The following FYN variants were observed in gnomAD, a reference collection of about 807,000 sequenced individuals.
The protein encoded by FYN is tyrosine-protein kinase Fyn.
FYN carries 10 observed loss-of-function variants against 70.2 expected under a neutral mutation model. The ratio of observed to expected loss-of-function variants is 0.14; its 90% CI spans 0.09 to 0.24. The LOEUF (loss-of-function observed/expected upper bound fraction) is 0.24. Ranked by LOEUF, FYN falls within the 10% of genes least tolerant of loss-of-function variation. FYN has a pLI of 1.00. For missense variants in FYN, 319 were observed against 673.1 expected, an observed-to-expected ratio of 0.47 and a Z score of 5.82; for synonymous variants, 236 against 248.6, an observed-to-expected ratio of 0.95 and a Z score of 0.48.
intron 3 of FYN, among the ~76,000 whole-genome samples, chr6:111,773,858 A>T (rs991775943): frequency 6.6e-6 from 1 of 152,208 alleles, no homozygotes; most frequent in South Asian, 2.1e-4. Flanking sequence ...AAACTGATGT[A>T]GCCACTGTCT....
At chr6:111,867,140 C>T (rs985474677) in intron 1 of FYN, among the ~76,000 whole-genome samples, 4 of 152,128 alleles carry the variant, frequency 2.6e-5, no homozygotes, top group African/African-American at 9.7e-5. Flanking sequence ...TCCATGGCTT[C>T]AATTTTTGTA....
chr6:111,717,347 T>A (rs1800697241), intron 4 of FYN, among the ~76,000 whole-genome samples: 1 of 152,236 alleles, frequency 6.6e-6, no homozygotes, highest in African/African-American at 2.4e-5. Context: ...TTTGTGGCAA[T>A]TTGTTATACA....
At chr6:111,707,027 C>A (rs990345998) in intron 6 of FYN, among the ~76,000 whole-genome samples, 3 of 152,196 alleles carry the variant, frequency 2.0e-5, no homozygotes, top group African/African-American at 7.2e-5. Context: ...GGTGTGGAGT[C>A]TAATCCCTCT....
intron 2 of FYN, among the ~76,000 whole-genome samples, chr6:111,843,950 C>A (rs535443711): frequency 6.6e-6 from 1 of 151,798 alleles, no homozygotes; most frequent in South Asian, 2.1e-4. Context: ...TTAGAACTTA[C>A]GAAACTTAAA....
chr6:111,848,681 T>C (rs1773599269), intron 1 of FYN, among the ~76,000 whole-genome samples: 1 of 152,202 alleles, frequency 6.6e-6, no homozygotes, highest in Non-Finnish European at 1.5e-5. Context: ...GGCTCCACTG[T>C]TTCCAAGATG....
intron 3 of FYN, chr6:111,741,137 A>G (rs1245094205): frequency 6.6e-6 from 1 of 151,928 alleles, no homozygotes; most frequent in Non-Finnish European, 1.5e-5. Flanking sequence ...TTTTCCTGGT[A>G]TCAGATCTTA....
intron 3 of FYN, among the ~76,000 whole-genome samples, chr6:111,775,337 G>A (rs890636797): frequency 6.6e-6 from 1 of 152,158 alleles, no homozygotes; most frequent in Non-Finnish European, 1.5e-5. Context: ...ATGGCCTCCC[G>A]CAAAGCAACT....
At chr6:111,825,298 A>G (rs1192230499) in intron 2 of FYN, among the ~76,000 whole-genome samples, 2 of 152,206 alleles carry the variant, frequency 1.3e-5, no homozygotes, top group African/African-American at 4.8e-5. Flanking sequence ...CCAGACAGCG[A>G]GTTTTATTAA....
intron 13 of FYN, among the ~76,000 whole-genome samples, chr6:111,664,101 T>C (rs1797890895): frequency 6.6e-6 from 1 of 152,204 alleles, no homozygotes. Context: ...CCAGAAAGAT[T>C]AGGAAGAGTG....
intron 2 of FYN, among the ~76,000 whole-genome samples, chr6:111,806,444 C>T (rs1334530384): frequency 6.6e-6 from 1 of 152,138 alleles, no homozygotes; most frequent in Non-Finnish European, 1.5e-5. Flanking sequence ...CTAGGTTATT[C>T]GGTCCAAGAT....
chr6:111,823,644 C>T (rs1426220369), intron 2 of FYN, among the ~76,000 whole-genome samples: 1 of 152,128 alleles, frequency 6.6e-6, no homozygotes, highest in Non-Finnish European at 1.5e-5. Context: ...TCTCTGCTTT[C>T]CTTTAAGATT....
chr6:111,833,675 T>A (rs183321995), intron 2 of FYN, among the ~76,000 whole-genome samples: 45 of 152,362 alleles, frequency 3.0e-4, no homozygotes, highest in Non-Finnish European at 1.6e-4. Flanking sequence ...GCTCTCCACA[T>A]TTCCTTTCTT....
In FYN at chr6:111,661,511, A is replaced by G. The variant is rs1797728694; in HGVS notation, c.*228T>C. 2 of 522,492 alleles carry G rather than the reference A, an allele frequency of 3.8e-6. No homozygotes were observed. Among genetic ancestry groups the G allele is most frequent in the Non-Finnish European group, 6.8e-6 (2 of 293,684 alleles). The allele number at this position is 522,492 out of a possible 1,614,324, so 32.4% of individuals were successfully genotyped here. On this transcript the variant is annotated 3_prime_UTR_variant, in exon 14 of 14. Coordinates refer to ENST00000354650, the MANE Select transcript of FYN (RefSeq NM_002037.5). This position sits in a 1 kb window ranked among gnomAD's most constrained non-coding sequence, Gnocchi z 4.0. ...ATAACATCGATACAATGCATTTTCCAAAGTCTGAGAAATAACAAGGTTCTG... is the reference window on the plus strand; with the variant it reads ...ATAACATCGATACAATGCATTTTCCGAAGTCTGAGAAATAACAAGGTTCTG...
At chr6:111,808,838 C>T (rs1042221081) in intron 2 of FYN, among the ~76,000 whole-genome samples, 1 of 152,222 alleles carries the variant, frequency 6.6e-6, no homozygotes, top group African/African-American at 2.4e-5. Flanking sequence ...TGAAATGACA[C>T]AACTTCGTCC....
intron 2 of FYN, among the ~76,000 whole-genome samples, chr6:111,845,902 A>G (rs545463590): frequency 6.6e-6 from 1 of 152,202 alleles, no homozygotes; most frequent in African/African-American, 2.4e-5. Flanking sequence ...GAAAGAATGC[A>G]TTCACAGCTC....
chr6:111,810,917 C>A (rs1037719448), intron 2 of FYN, among the ~76,000 whole-genome samples: 1 of 152,230 alleles, frequency 6.6e-6, no homozygotes, highest in Non-Finnish European at 1.5e-5. Flanking sequence ...CTGTTGTTTA[C>A]TTGTTTTAAA....
intron 5 of FYN, among the ~76,000 whole-genome samples, chr6:111,710,755 TATAA>T (rs1418148892): frequency 6.6e-6 from 1 of 152,220 alleles, no homozygotes; most frequent in Non-Finnish European, 1.5e-5. Context: ...CCAATTCACC[TATAA>T]ATAGATATAC....
At chr6:111,842,591 C>T (rs1405373299) in intron 2 of FYN, among the ~76,000 whole-genome samples, 1 of 152,174 alleles carries the variant, frequency 6.6e-6, no homozygotes, top group South Asian at 2.1e-4. Flanking sequence ...CCTTTGGATA[C>T]CCCATGTAAA....
At chr6:111,749,392 T>C (rs1397142033) in intron 3 of FYN, among the ~76,000 whole-genome samples, 11 of 152,182 alleles carry the variant, frequency 7.2e-5, no homozygotes, top group Non-Finnish European at 1.6e-4. Context: ...TGTACCCCAA[T>C]GAGTGGGTTT....
Sources: allele counts gnomAD v4.1 joint callset (sites outside exome capture counted in the v4.1 genomes callset), GRCh38; gene constraint gnomAD v4.1.1; non-coding constraint Gnocchi (gnomAD v3.1); transcripts MANE v1.5; gene names NCBI Gene and HGNC (gene_info 2026-07-23, HGNC 2026-07-21).